TAAR5: variants seen among roughly 807,000 people sequenced by gnomAD.
TAAR5 encodes the protein trace amine associated receptor 5.
A neutral mutation model predicts 21.1 loss-of-function variants in TAAR5; 27 were observed. The observed-to-expected ratio is 1.28, with a 90% confidence interval of 0.94 to 1.76. The LOEUF is 1.76. Ranked by LOEUF, TAAR5 falls within the 40% of genes most tolerant of loss-of-function variation. TAAR5 has a pLI of 0.00. For missense variants in TAAR5, 495 were observed against 405.6 expected (o/e 1.22, Z -1.89); for synonymous variants, 203 against 167.5 (o/e 1.21, Z -1.64).
the TAAR5 span, among the ~76,000 whole-genome samples, chr6:132,615,890 A>G: frequency 6.6e-6 from 1 of 151,448 alleles, no homozygotes; most frequent in Admixed American, 6.6e-5. Context: ...ACACACACAC[A>G]CACACACACA....
the TAAR5 span, among the ~76,000 whole-genome samples, chr6:132,605,365 T>C: frequency 6.6e-6 from 1 of 152,236 alleles, no homozygotes; most frequent in African/African-American, 2.4e-5. Flanking sequence ...GTACTCAATG[T>C]CTACCTTAAT....
At position 132,588,762 on chromosome 6, in the gene TAAR5, AG is replaced by A; in HGVS notation, c.924del (p.Tyr309ThrfsTer8). 1 of 1,614,120 alleles carries A rather than the reference AG, an allele frequency of 6.2e-7. No homozygotes were observed. Among genetic ancestry groups the A allele is most frequent in the South Asian group, 1.1e-5 (1 of 91,088 alleles). ...SACNPIIYVFSYQWFRKALKL... is the reference protein window; with the variant it reads ...SACNPIIYVFXYQWFRKALKL... The stretch of plus-strand genomic sequence containing the variant: ...TTCAGTGCCTTCCGAAACCACTGGT[AG>A]GAAAAGACATAGATGATGGGGTTGC... On this transcript the variant is annotated frameshift_variant, in exon 1 of 1. Transcript: ENST00000258034. LOFTEE classifies it high-confidence loss of function.
upstream of TAAR5, chr6:132,594,705 G>C (rs982819056): frequency 1.3e-5 from 2 of 151,574 alleles, no homozygotes; most frequent in Non-Finnish European, 2.9e-5. Flanking sequence ...TTTGCTTTCT[G>C]ACCCAGCCTG....
the TAAR5 span, among the ~76,000 whole-genome samples, chr6:132,601,083 AGGAAGGAGGGAG>A: frequency 7.6e-6 from 1 of 131,920 alleles, no homozygotes; most frequent in Non-Finnish European, 1.7e-5. Context: ...GAAGGAGGGA[AGGAAGGAGGGAG>A]GGAAGGAGGG....
chr6:132,590,756 T>G (rs1182381090), upstream of TAAR5, among the ~76,000 whole-genome samples: 1 of 152,244 alleles, frequency 6.6e-6, no homozygotes, highest in Non-Finnish European at 1.5e-5. Context: ...CCCTGACAAT[T>G]AATTAGAGAT....
chr6:132,602,057 C>A, the TAAR5 span, among the ~76,000 whole-genome samples: 1 of 151,804 alleles, frequency 6.6e-6, no homozygotes, highest in Non-Finnish European at 1.5e-5. Flanking sequence ...ATAAGATTTT[C>A]TTTATTTTTA....
At chr6:132,603,100 C>T in the TAAR5 span, among the ~76,000 whole-genome samples, 1 of 151,674 alleles carries the variant, frequency 6.6e-6, no homozygotes, top group Admixed American at 6.6e-5. Flanking sequence ...CCCAGGAGTT[C>T]GAGACCAGCC....
At chr6:132,600,445 C>T in the TAAR5 span, among the ~76,000 whole-genome samples, 93 of 152,214 alleles carry the variant, frequency 6.1e-4, no homozygotes, top group African/African-American at 2.2e-3. Context: ...CCCAACCTGA[C>T]AGCTTAATGC....
chr6:132,596,759 C>T, the TAAR5 span, among the ~76,000 whole-genome samples: 4 of 152,180 alleles, frequency 2.6e-5, no homozygotes, highest in East Asian at 5.8e-4. Context: ...ATGTGTTCAG[C>T]TCCTTTATAA....
At chr6:132,604,409 C>T in the TAAR5 span, among the ~76,000 whole-genome samples, 51 of 152,126 alleles carry the variant, frequency 3.4e-4, no homozygotes, top group Middle Eastern at 0.01. Flanking sequence ...TCCCAAAATG[C>T]TGCGATTACA....
the TAAR5 span, among the ~76,000 whole-genome samples, chr6:132,601,505 A>T: frequency 6.6e-6 from 1 of 152,236 alleles, no homozygotes; most frequent in African/African-American, 2.4e-5. Flanking sequence ...AAGCAGTGAT[A>T]TAATACAATC....
the TAAR5 span, among the ~76,000 whole-genome samples, chr6:132,595,754 G>A: frequency 6.6e-6 from 1 of 152,134 alleles, no homozygotes; most frequent in Admixed American, 6.6e-5. Context: ...ACAGGATTCC[G>A]AATCCGTAGG....
the TAAR5 span, among the ~76,000 whole-genome samples, chr6:132,607,337 T>G: frequency 6.6e-6 from 1 of 152,174 alleles, no homozygotes; most frequent in Non-Finnish European, 1.5e-5. Context: ...GACTGACATG[T>G]GTGCTCATGT....
Sources: allele counts gnomAD v4.1 joint callset (sites outside exome capture counted in the v4.1 genomes callset), GRCh38; gene constraint gnomAD v4.1.1; transcripts MANE v1.5; gene names NCBI Gene and HGNC (gene_info 2026-07-23, HGNC 2026-07-21).